Variants in SIN3A observed in about 807,000 individuals in gnomAD.
SIN3A encodes SIN3 transcription regulator family member A, also known as paired amphipathic helix protein Sin3a.
Under a neutral mutation model 146.1 loss-of-function variants are expected in SIN3A, and 14 were observed. That is an observed-to-expected ratio of 0.10 (90% CI 0.06 to 0.15). The LOEUF is 0.15. SIN3A is among the 10% of genes least tolerant of loss of function. SIN3A has a pLI of 1.00. For synonymous variants in SIN3A, 572 were observed against 572.0 expected (o/e 1.00, Z 0.00); for missense variants, 1,028 against 1,576.0 (o/e 0.65, Z 5.89).
In SIN3A at chr15:75,381,639, TCTC is replaced by T; in HGVS notation, c.3259_3261del (p.Glu1087del). ...TCTGCTTCCACAGGGTCATCCGAAT[TCTC>T]CTCTTCTGTGTCCAGAAGCTCAATA... On this transcript the variant is annotated inframe_deletion, in exon 18 of 21. Coordinates refer to ENST00000394947, the MANE Select transcript of SIN3A (RefSeq NM_001145358.2). 1 of 1,613,812 alleles carries T rather than the reference TCTC, an allele frequency of 6.2e-7. No individual in the cohort carries two copies. Among genetic ancestry groups the T allele is most frequent in the South Asian group, 1.1e-5 (1 of 91,036 alleles).
At position 75,371,928 on chromosome 15, in the gene SIN3A, CCA is replaced by C. The variant is rs764854469; in HGVS notation, c.*49_*50del. 14 of 1,483,564 alleles carry C rather than the reference CCA, an allele frequency of 9.4e-6. No homozygotes were observed. Among genetic ancestry groups the C allele is most frequent in the Non-Finnish European group, 1.3e-5 (14 of 1,063,786 alleles). 91.9% of individuals were successfully genotyped at this position (1,483,564 alleles called of 1,614,324 possible). A position where few individuals can be genotyped will look rare whatever the true frequency, so the allele number is the denominator to read the frequency against. Reference sequence around the variant, plus strand: ...TTCTTCAGTGTGTGAGTGCATAGGCCCACACACACATCCCCACACACACCCCA... The same window carrying C: ...TTCTTCAGTGTGTGAGTGCATAGGCCCACACACATCCCCACACACACCCCA... On this transcript the variant is annotated 3_prime_UTR_variant, in exon 21 of 21. Transcript: ENST00000394947.
chr15:75,383,153 T>A (rs1249536912), intron 17 of SIN3A, among the ~76,000 whole-genome samples: 1 of 150,918 alleles, frequency 6.6e-6, no homozygotes, highest in Non-Finnish European at 1.5e-5. Flanking sequence ...ATGACTGTAA[T>A]CCCAGCTACT....
chr15:75,398,458 T>C (rs1468686707), intron 12 of SIN3A, among the ~76,000 whole-genome samples: 1 of 151,896 alleles, frequency 6.6e-6, no homozygotes, highest in Non-Finnish European at 1.5e-5. Flanking sequence ...GGTGGGTCAC[T>C]TGAGGTCAGG....
intron 2 of SIN3A, 106 bp downstream of exon 2, chr15:75,430,081 C>T (rs972359221): frequency 1.2e-6 from 1 of 801,006 alleles, no homozygotes; most frequent in South Asian, 1.8e-5. Context: ...CTTACACATA[C>T]TCAACAATTT....
At chr15:75,417,371 T>G (rs1276138267) in intron 3 of SIN3A, among the ~76,000 whole-genome samples, 2 of 151,742 alleles carry the variant, frequency 1.3e-5, no homozygotes, top group African/African-American at 4.8e-5. Flanking sequence ...TTTAAGCCAG[T>G]CTTTTTCTTT....
intron 3 of SIN3A, chr15:75,422,370 G>C (rs1041235725): frequency 1.7e-6 from 1 of 601,398 alleles, no homozygotes; most frequent in Non-Finnish European, 2.9e-6. Context: ...TGAATTTTAA[G>C]GTTTATTTTG....
rs373770490 is a variant in SIN3A, at chr15:75,411,611, G to C, written c.889C>G (p.Gln297Glu). The change falls in exon 6 of 21, where the codon CAG becomes GAG. Residue 297 changes from glutamine to glutamate, a missense_variant. Around this residue, in one of 9 missense-constraint regions of SIN3A, gnomAD observed 112 missense variants for 135.7 expected, o/e 0.83. Coordinates refer to ENST00000394947, the MANE Select transcript of SIN3A (RefSeq NM_001145358.2). Reference sequence around the variant, plus strand: ...TTAAACTCCACAGGTTGATTGTTCTGCAAGGATGGGGCCGTTCCCAACGAG... The same window carrying C: ...TTAAACTCCACAGGTTGATTGTTCTCCAAGGATGGGGCCGTTCCCAACGAG... ...TISLGTAPSL[Q>E]NNQPVEFNHA... is the part of the protein sequence containing the mutation. 10 of 1,614,206 alleles carry C rather than the reference G, an allele frequency of 6.2e-6. No homozygotes were observed. Among genetic ancestry groups the C allele is most frequent in the Non-Finnish European group, 7.6e-6 (9 of 1,180,048 alleles).
intron 16 of SIN3A, among the ~76,000 whole-genome samples, chr15:75,387,822 G>A (rs976893983): frequency 2.0e-5 from 3 of 152,054 alleles, no homozygotes; most frequent in Non-Finnish European, 4.4e-5. Flanking sequence ...AAATTTCAGG[G>A]AAGTTAAGGA....
rs116052084 is a variant in SIN3A at position 75,374,956 on chromosome 15, T to C, written c.3591+709A>G. Among the ~76,000 whole-genome samples, 851 of 152,260 alleles carry C rather than the reference T, an allele frequency of 5.6e-3. 8 individuals are homozygous for C. Among genetic ancestry groups the C allele is most frequent in the African/African-American group, 0.019 (798 of 41,542 alleles). ...TCCCAGGGCCTGGCATAACACCCTA[T>C]ACGCAGCTGCACCAGGAAGGTTTCA... On this transcript the variant is annotated intron_variant, in intron 20 of 20. Transcript: ENST00000394947.
intron 1 of SIN3A, among the ~76,000 whole-genome samples, chr15:75,433,046 C>T (rs2074040731): frequency 6.6e-6 from 1 of 151,770 alleles, no homozygotes; most frequent in Non-Finnish European, 1.5e-5. Flanking sequence ...CAAAAAATAA[C>T]AACAACAAAA....
chr15:75,395,961 T>C (rs922994247), intron 13 of SIN3A, among the ~76,000 whole-genome samples: 9 of 152,174 alleles, frequency 5.9e-5, no homozygotes, highest in African/African-American at 1.7e-4. Flanking sequence ...CAGTTAGTCC[T>C]GAGTGTGGCA....
chr15:75,444,484 T>C lies in SIN3A; in HGVS notation c.-34+6939A>G, dbSNP rs571830669. Reference sequence around the variant, plus strand: ...AAAATAAATTTTCTCTTTGCTGTTTTGAAGACCTCCAATAAATAAAAGTCA... The same window carrying C: ...AAAATAAATTTTCTCTTTGCTGTTTCGAAGACCTCCAATAAATAAAAGTCA... On this transcript the variant is annotated intron_variant, in intron 1 of 20. Transcript: ENST00000394947. Among the ~76,000 whole-genome samples, 43 of 152,226 alleles carry C rather than the reference T, an allele frequency of 2.8e-4. 1 individual carries two copies. The South Asian group carries it at 8.9e-3, about 32-fold the overall frequency.
intron 3 of SIN3A, among the ~76,000 whole-genome samples, chr15:75,415,078 C>G (rs1426135446): frequency 6.6e-6 from 1 of 152,002 alleles, no homozygotes; most frequent in African/African-American, 2.4e-5. Context: ...TTTTCGTGTA[C>G]GCAATTTGAC....
At chr15:75,373,622 A>C (rs2072797306) in intron 20 of SIN3A, among the ~76,000 whole-genome samples, 1 of 152,102 alleles carries the variant, frequency 6.6e-6, no homozygotes, top group Non-Finnish European at 1.5e-5. Flanking sequence ...AAGAATATAC[A>C]GTATAGGCTG....
At chr15:75,389,919 A>G in intron 15 of SIN3A, 98 bp from the exon 16 acceptor site, 1 of 1,168,146 alleles carries the variant, frequency 8.6e-7, no homozygotes, top group East Asian at 2.4e-5. Flanking sequence ...ATGGCATTTG[A>G]AAGTATGAAC....
At chr15:75,408,969 C>T (rs1421509790) in intron 8 of SIN3A, among the ~76,000 whole-genome samples, 5 of 152,104 alleles carry the variant, frequency 3.3e-5, no homozygotes, top group Non-Finnish European at 7.4e-5. Context: ...TTTGGGAGGC[C>T]GAGGTGGGTG....
intron 9 of SIN3A, among the ~76,000 whole-genome samples, chr15:75,404,450 G>T (rs1284941505): frequency 6.6e-6 from 1 of 152,120 alleles, no homozygotes. Flanking sequence ...ATATGTTTAA[G>T]AAAAAGTACT....
intron 9 of SIN3A, among the ~76,000 whole-genome samples, chr15:75,406,456 G>A (rs532928426): frequency 6.6e-6 from 1 of 152,332 alleles, no homozygotes; most frequent in South Asian, 2.1e-4. Flanking sequence ...GGGAGGCCGA[G>A]GCGGGCGGAT....
Position 75,430,057 on chromosome 15 carries a change from A to AT in SIN3A, c.189+129dup, listed in dbSNP as rs797002247. ...AAACTTGTATGGTGAGTACACAGTT[A>AT]TTTTTTTTTTTACCTTACACATACT... On this transcript the variant is annotated intron_variant, in intron 2 of 20. Transcript: ENST00000394947. 9.1e-3 allele frequency: 5,154 copies of AT among 564,188 alleles called. 10 individuals carry two copies. The highest frequency in any genetic ancestry group is 0.023 in the African/African-American group (1,166 of 51,414). 34.9% of individuals were successfully genotyped at this position (564,188 alleles called of 1,614,324 possible).
Sources: allele counts gnomAD v4.1 joint callset (sites outside exome capture counted in the v4.1 genomes callset), GRCh38; gene constraint gnomAD v4.1.1; regional missense constraint gnomAD v4.1.1; transcripts MANE v1.5; gene names NCBI Gene and HGNC (gene_info 2026-07-23, HGNC 2026-07-21).